The following NACC2 variants were observed in gnomAD, a reference collection of about 807,000 sequenced individuals.
The protein encoded by NACC2 is NACC family member 2.
Under a neutral mutation model 25.1 loss-of-function variants are expected in NACC2, and 8 were observed. That is an observed-to-expected ratio of 0.32 (90% CI 0.19 to 0.57). NACC2 has a LOEUF of 0.57. Among genes scored for constraint, NACC2 ranks in the 20% least tolerant of loss-of-function variants. The pLI is 0.89. For synonymous variants in NACC2, 435 were observed against 294.7 expected (o/e 1.48, Z -4.88); for missense variants, 644 against 650.2 (o/e 0.99, Z 0.10).
chr9:136,041,253 C>G (rs922337576), intron 2 of NACC2, among the ~76,000 whole-genome samples: 1 of 152,128 alleles, frequency 6.6e-6, no homozygotes, highest in South Asian at 2.1e-4. Flanking sequence ...GAAACCTCGT[C>G]TCTACTAAAA....
chr9:136,048,225 T>A (rs1024780119), intron 2 of NACC2, among the ~76,000 whole-genome samples: 7 of 152,160 alleles, frequency 4.6e-5, no homozygotes, highest in African/African-American at 1.7e-4. Flanking sequence ...TGGGTGGGCC[T>A]TGGGAGCCTT....
chr9:136,083,153 G>A (rs1160416924), intron 1 of NACC2, among the ~76,000 whole-genome samples: 6 of 152,214 alleles, frequency 3.9e-5, no homozygotes, highest in African/African-American at 1.4e-4. Context: ...CTGCTGGAGC[G>A]GAGGCTGTTG....
intron 1 of NACC2, among the ~76,000 whole-genome samples, chr9:136,057,262 C>T (rs139399777): frequency 1.3e-5 from 2 of 152,224 alleles, no homozygotes; most frequent in African/African-American, 4.8e-5. Flanking sequence ...ACGCTCATCT[C>T]TAACCTTCAC....
chr9:136,031,525 A>T (rs1255687618), intron 2 of NACC2, among the ~76,000 whole-genome samples: 4 of 152,044 alleles, frequency 2.6e-5, no homozygotes, highest in Admixed American at 1.3e-4. Context: ...TTTAGTAGAG[A>T]TGGGGTTTCA....
Position 136,011,465 on chromosome 9 carries a change from G to T in NACC2, c.*51C>A. On this transcript the variant is annotated 3_prime_UTR_variant, in exon 6 of 6. Transcript: ENST00000277554. ...GATCACATTTGTTTGTATTAGTAAC[G>T]CATGCAAGCAGCTCTAGTACTCGGT... 2.3e-6 allele frequency: 3 copies of T among 1,321,538 alleles called. No homozygotes were observed. The highest frequency in any genetic ancestry group is 2.9e-6 in the Non-Finnish European group (3 of 1,035,928). 81.9% of individuals were successfully genotyped at this position (1,321,538 alleles called of 1,614,324 possible). A position where few individuals can be genotyped will look rare whatever the true frequency, so the allele number is the denominator to read the frequency against.
At chr9:136,012,153 G>A (rs892249451) in intron 5 of NACC2, 129 bp from the exon 6 acceptor site, 1 of 1,176,776 alleles carries the variant, frequency 8.5e-7, no homozygotes, top group Non-Finnish European at 1.1e-6. Context: ...TGACCACCTG[G>A]GGCTCTCCTG....
At chr9:136,016,928 G>A (rs1046880799) in intron 2 of NACC2, among the ~76,000 whole-genome samples, 1 of 152,146 alleles carries the variant, frequency 6.6e-6, no homozygotes. Context: ...TAGCTGGACA[G>A]GGGTGACAGG....
chr9:136,081,442 C>G (rs1360196958), intron 1 of NACC2, among the ~76,000 whole-genome samples: 2 of 152,346 alleles, frequency 1.3e-5, no homozygotes, highest in South Asian at 4.1e-4. Flanking sequence ...ACTCAGCACT[C>G]GGACCTGCTC....
intron 2 of NACC2, among the ~76,000 whole-genome samples, chr9:136,023,416 C>T (rs114494920): frequency 0.023 from 3,485 of 152,180 alleles, 122 homozygotes; most frequent in African/African-American, 0.08. Flanking sequence ...TCGACCAGCT[C>T]AACAGTCCCA....
rs1449826604 is a variant in NACC2, at chr9:136,020,740, G to C, written c.887-4311C>G. Reference sequence around the variant, plus strand: ...AGTCATGAAGCCTGCATGGTTCAGGGAAGTGGACAGACAGGTCAATGGCAC... The same window carrying C: ...AGTCATGAAGCCTGCATGGTTCAGGCAAGTGGACAGACAGGTCAATGGCAC... On this transcript the variant is annotated intron_variant, in intron 2 of 5. Coordinates refer to ENST00000277554, the MANE Select transcript of NACC2 (RefSeq NM_144653.5). This position sits in a 1 kb window ranked among gnomAD's most constrained non-coding sequence, Gnocchi z 4.7. 6.6e-6 allele frequency among the ~76,000 whole-genome samples: 1 copy of C among 152,118 alleles called. No homozygotes were observed. The highest frequency in any genetic ancestry group is 1.5e-5 in the Non-Finnish European group (1 of 68,016).
At position 136,020,434 on chromosome 9, in the gene NACC2, G is replaced by A. The variant is rs1222960402; in HGVS notation, c.887-4005C>T. ...AGTGTGTCATCGGGGACTCGCCCAG[G>A]TGACACCATCAGAGACCACGCAGGC... is the stretch of plus-strand genomic sequence containing the variant. On this transcript the variant is annotated intron_variant, in intron 2 of 5. Transcript: ENST00000277554. The surrounding 1 kb of genome is among the most constrained non-coding windows in gnomAD (Gnocchi z 4.7). 6.6e-6 allele frequency among the ~76,000 whole-genome samples: 1 copy of A among 152,072 alleles called. No individual in the cohort carries two copies. The highest frequency in any genetic ancestry group is 1.5e-5 in the Non-Finnish European group (1 of 68,002).
intron 2 of NACC2, among the ~76,000 whole-genome samples, chr9:136,028,057 C>T (rs1179960552): frequency 6.6e-6 from 1 of 151,996 alleles, no homozygotes; most frequent in African/African-American, 2.4e-5. Flanking sequence ...GTCAGAAGTT[C>T]GAGACCAGCC....
At chr9:136,075,392 T>A (rs935913311) in intron 1 of NACC2, among the ~76,000 whole-genome samples, 4 of 152,216 alleles carry the variant, frequency 2.6e-5, no homozygotes, top group South Asian at 2.1e-4. Context: ...CATTACAGGG[T>A]GTCCACTCTC....
In NACC2 at chr9:136,093,863, G is replaced by C. The variant is rs549429705; in HGVS notation, c.-60+1326C>G. ...CCTGAACCCTGACCTAACTCTAGGC[G>C]CCCCTGCTGGGGGGTGCTACAGGCT... is the stretch of plus-strand genomic sequence containing the variant. On this transcript the variant is annotated intron_variant, in intron 1 of 5. Transcript: ENST00000277554. Among the ~76,000 whole-genome samples the C allele has an allele frequency of 8.5e-5, 13 of 152,304 alleles. No homozygotes were observed. The South Asian group carries it at 2.1e-3, about 24-fold the overall frequency.
intron 1 of NACC2, among the ~76,000 whole-genome samples, chr9:136,083,472 T>A (rs1357235450): frequency 1.3e-5 from 2 of 152,200 alleles, no homozygotes; most frequent in African/African-American, 4.8e-5. Flanking sequence ...AACTCGAATG[T>A]GACTGTATTT....
intron 2 of NACC2, among the ~76,000 whole-genome samples, chr9:136,034,728 G>A (rs1439339159): frequency 6.6e-6 from 1 of 152,188 alleles, no homozygotes; most frequent in Non-Finnish European, 1.5e-5. Flanking sequence ...ACCAGTGAGT[G>A]GGGGATATAG....
At chr9:136,024,219 T>A (rs1840344031) in intron 2 of NACC2, among the ~76,000 whole-genome samples, 1 of 23,638 alleles carries the variant, frequency 4.2e-5, no homozygotes, top group African/African-American at 1.6e-4. Context: ...TGTGTGTGTG[T>A]GAGGACAGAG....
intron 2 of NACC2, among the ~76,000 whole-genome samples, chr9:136,040,777 T>C (rs900808012): frequency 5.9e-5 from 9 of 152,130 alleles, no homozygotes; most frequent in African/African-American, 1.4e-4. Context: ...TTGGGCAACA[T>C]GGTGAAACCC....
intron 2 of NACC2, among the ~76,000 whole-genome samples, chr9:136,037,713 T>C (rs1046304020): frequency 4.6e-5 from 7 of 152,112 alleles, no homozygotes; most frequent in African/African-American, 9.7e-5. Context: ...TTCACCATGT[T>C]GGCCAGGCTG....
Sources: gnomAD v4.1 joint callset for allele counts (sites outside exome capture counted in the v4.1 genomes callset) on GRCh38, gnomAD v4.1.1 for gene constraint, Gnocchi (gnomAD v3.1) non-coding constraint, MANE v1.5 for transcripts, NCBI Gene and HGNC (gene_info 2026-07-23, HGNC 2026-07-21) for gene names.